CCNH: variants seen among roughly 807,000 people sequenced by gnomAD.
CCNH encodes the protein cyclin H.
CCNH carries 31 observed loss-of-function variants against 41.9 expected under a neutral mutation model. The ratio of observed to expected loss-of-function variants is 0.74; its 90% CI spans 0.56 to 1.00. CCNH has a LOEUF of 1.00. Among genes scored for constraint, CCNH ranks in the 50% least tolerant of loss-of-function variants. CCNH has a pLI of 0.00. For missense variants in CCNH, 362 were observed against 388.4 expected (o/e 0.93, Z 0.57); for synonymous variants, 138 against 136.1 (o/e 1.01, Z -0.10).
intron 9 of CCNH, among the ~76,000 whole-genome samples, chr5:87,329,069 G>A (rs1354571673): frequency 6.6e-6 from 1 of 151,848 alleles, no homozygotes; most frequent in African/African-American, 2.4e-5. Flanking sequence ...TAACATTTAG[G>A]AAATAGTTAC....
At chr5:87,388,721 A>T (rs144153714), downstream of CCNH, among the ~76,000 whole-genome samples, 1,371 of 152,310 alleles carry the variant, frequency 9.0e-3, 1 homozygote, top group African/African-American at 0.031. Flanking sequence ...TGCAAACCTG[A>T]CAGGTTCTCA....
chr5:87,410,761 T>A (rs1242620842), intron 2 of CCNH, among the ~76,000 whole-genome samples: 1 of 152,168 alleles, frequency 6.6e-6, no homozygotes, highest in Non-Finnish European at 1.5e-5. Context: ...GCAATCTTTT[T>A]CACCAAAGAT....
chr5:87,389,665 C>G (rs1476206948), downstream of CCNH: 2 of 1,170,120 alleles, frequency 1.7e-6, no homozygotes, highest in Admixed American at 2.0e-5. Context: ...TACAAAAGAT[C>G]TCAGCAGACA....
At chr5:87,406,571 T>C (rs141442175) in intron 4 of CCNH, among the ~76,000 whole-genome samples, 87 of 152,272 alleles carry the variant, frequency 5.7e-4, no homozygotes, top group Admixed American at 3.5e-3. Context: ...GAAATTCTCA[T>C]TGGAGCATTT....
intron 4 of CCNH, among the ~76,000 whole-genome samples, chr5:87,405,395 C>T (rs3093806): frequency 0.032 from 4,842 of 152,224 alleles, 161 homozygotes; most frequent in African/African-American, 0.074. Flanking sequence ...AAATGAATCT[C>T]GATTTGATTA....
At chr5:87,380,145 C>G (rs761957295), upstream of CCNH, among the ~76,000 whole-genome samples, 6 of 152,086 alleles carry the variant, frequency 3.9e-5, no homozygotes, top group Non-Finnish European at 7.4e-5. Context: ...TCCATTTAGT[C>G]TATACTTGAT....
At chr5:87,378,269 C>T (rs918529474), upstream of CCNH, 11 of 1,056,990 alleles carry the variant, frequency 1.0e-5, no homozygotes, top group Middle Eastern at 2.0e-4. Context: ...GTACTTTCAA[C>T]GCTGCACGCA....
chr5:87,319,175 T>C (rs1475376373), intron 9 of CCNH, among the ~76,000 whole-genome samples: 2 of 152,194 alleles, frequency 1.3e-5, no homozygotes, highest in African/African-American at 4.8e-5. Context: ...CACAGCTGCT[T>C]TAATGGGCTG....
At chr5:87,360,168 C>T (rs1759974312) in intron 9 of CCNH, among the ~76,000 whole-genome samples, 1 of 139,700 alleles carries the variant, frequency 7.2e-6, no homozygotes. Context: ...CTTTTTTGCT[C>T]AGGCTTGGAG....
rs1760735308 is a variant in CCNH at position 87,369,047 on chromosome 5, A to C, written c.*90+23723T>G. Among the ~76,000 whole-genome samples the C allele has an allele frequency of 2.0e-5, 3 of 152,188 alleles. No homozygotes were observed. The South Asian group carries it at 6.2e-4, about 31-fold the overall frequency. On this transcript the variant is annotated intron_variant and NMD_transcript_variant, in intron 9 of 9. Coordinates refer to the CCNH transcript ENST00000645953. The stretch of plus-strand genomic sequence containing the variant: ...TAGTCTTTATCTTTAATAAGTGTTA[A>C]GCTTGTCCTCTGTGTATTTTTGCTA...
chr5:87,340,577 A>G (rs1010156849), intron 9 of CCNH, among the ~76,000 whole-genome samples: 6 of 152,152 alleles, frequency 3.9e-5, no homozygotes, highest in African/African-American at 1.2e-4. Flanking sequence ...GAGTAACACT[A>G]TTGTATCTTA....
chr5:87,383,932 G>A, intron 9 of CCNH: 1 of 695,502 alleles, frequency 1.4e-6, no homozygotes, highest in Non-Finnish European at 2.4e-6. Flanking sequence ...TTCCTTCCTT[G>A]TGCTTGTGCT....
downstream of CCNH, chr5:87,374,116 T>C (rs1462510620): frequency 7.8e-7 from 1 of 1,281,638 alleles, no homozygotes; most frequent in Admixed American, 3.5e-5. Flanking sequence ...GTAGTGCAAT[T>C]CTAGAAATCT....
chr5:87,412,835 A>AC lies in CCNH; in HGVS notation c.-42dup. 1 of 1,597,016 alleles carries AC rather than the reference A, an allele frequency of 6.3e-7. No individual in the cohort carries two copies. The highest frequency in any genetic ancestry group is 8.6e-7 in the Non-Finnish European group (1 of 1,166,496). On this transcript the variant is annotated 5_prime_UTR_variant, in exon 1 of 9. Transcript: ENST00000256897. Reference sequence around the variant, plus strand: ...AGGTCCAGAGGGTCTGCAGACGAGAACCCAAACGCATCAGCGTCCTGGCGT... The same window carrying AC: ...AGGTCCAGAGGGTCTGCAGACGAGAACCCCAAACGCATCAGCGTCCTGGCGT...
intron 9 of CCNH, among the ~76,000 whole-genome samples, chr5:87,342,162 CT>C (rs531793273): frequency 1.3e-3 from 186 of 139,720 alleles, no homozygotes; most frequent in Admixed American, 1.6e-3. Flanking sequence ...GTTATTTTTT[CT>C]TTTTTTTTTT....
chr5:87,368,111 C>T (rs904941305), intron 9 of CCNH, among the ~76,000 whole-genome samples: 1 of 151,850 alleles, frequency 6.6e-6, no homozygotes, highest in Non-Finnish European at 1.5e-5. Context: ...TGCCACATTC[C>T]TTTTTCTTCT....
Position 87,346,066 on chromosome 5 carries a change from G to A in CCNH, c.*91-27169C>T, listed in dbSNP as rs542038528. Among the ~76,000 whole-genome samples, 6 of 152,080 alleles carry A rather than the reference G, an allele frequency of 3.9e-5. No homozygotes were observed. In the East Asian group the frequency reaches 1.2e-3, roughly 29 times the overall value. On this transcript the variant is annotated intron_variant and NMD_transcript_variant, in intron 9 of 9. Transcript: ENST00000645953. ...GATGCCTTTTATAATAATTTCTAAA[G>A]GCTTAATTTAAGAATACAGAATATA...
chr5:87,399,798 C>T (rs1763259163), intron 6 of CCNH, among the ~76,000 whole-genome samples: 1 of 151,920 alleles, frequency 6.6e-6, no homozygotes, highest in South Asian at 2.1e-4. Flanking sequence ...ACTTCTTGTT[C>T]AGTTTTAAGA....
intron 9 of CCNH, chr5:87,332,743 G>T: frequency 8.6e-7 from 1 of 1,160,574 alleles, no homozygotes; most frequent in Non-Finnish European, 1.2e-6. Flanking sequence ...AATTCAAGAA[G>T]TATTTGTTGT....
Sources: gnomAD v4.1 joint callset for allele counts (sites outside exome capture counted in the v4.1 genomes callset) on GRCh38, gnomAD v4.1.1 for gene constraint, MANE v1.5 for transcripts, NCBI Gene and HGNC (gene_info 2026-07-23, HGNC 2026-07-21) for gene names.